Variants in RGS9 observed in about 807,000 individuals in gnomAD.
The protein encoded by RGS9 is regulator of G-protein signalling 9.
RGS9 carries 78 observed loss-of-function variants against 102.0 expected under a neutral mutation model. That is an observed-to-expected ratio of 0.76 (90% CI 0.64 to 0.92). The LOEUF is 0.92. Among genes scored for constraint, RGS9 ranks in the 40% least tolerant of loss-of-function variants. RGS9 has a pLI of 0.00. For synonymous variants in RGS9, 353 were observed against 318.6 expected (o/e 1.11, Z -1.15); for missense variants, 833 against 866.1 (o/e 0.96, Z 0.48).
chr17:65,216,613 G>T (rs1913532723), intron 17 of RGS9, among the ~76,000 whole-genome samples: 2 of 152,134 alleles, frequency 1.3e-5, no homozygotes, highest in Admixed American at 1.3e-4. Context: ...CTTCAGCCTG[G>T]GCAACGATTT....
chr17:65,183,515 T>C (rs894529211), intron 9 of RGS9, among the ~76,000 whole-genome samples: 7 of 152,188 alleles, frequency 4.6e-5, no homozygotes, highest in Non-Finnish European at 1.0e-4. Flanking sequence ...CAGGCTGATC[T>C]TGAACTCCTG....
At chr17:65,200,180 C>G (rs148828153) in intron 13 of RGS9, among the ~76,000 whole-genome samples, 1 of 152,158 alleles carries the variant, frequency 6.6e-6, no homozygotes, top group African/African-American at 2.4e-5. Context: ...TAGAGGCGCC[C>G]GCCACCACGG....
chr17:65,162,960 C>T, intron 6 of RGS9, 53 bp from the exon 7 acceptor site: 1 of 986,472 alleles, frequency 1.0e-6, no homozygotes, highest in South Asian at 1.3e-5. Flanking sequence ...TGCCCTGCGG[C>T]ACATGGCATA....
rs370495818 is a variant in RGS9 at position 65,180,938 on chromosome 17, A to G, written c.654+3135A>G. ...TTCCTGCGTTAGTTCGCTTAAGACA[A>G]TGATCTCTAGCTCCATCCATGTTGC... is the stretch of plus-strand genomic sequence containing the variant. On this transcript the variant is annotated intron_variant, in intron 9 of 18. Transcript: ENST00000262406. Among the ~76,000 whole-genome samples, 33 of 152,196 alleles carry G rather than the reference A, an allele frequency of 2.2e-4. 1 individual carries two copies. In the East Asian group the frequency reaches 4.0e-3, roughly 19 times the overall value.
intron 10 of RGS9, 128 bp downstream of exon 10, chr17:65,189,443 A>G: frequency 1.3e-6 from 1 of 771,892 alleles, no homozygotes; most frequent in South Asian, 1.5e-5. Flanking sequence ...AATTATTTCC[A>G]AATTCACGGA....
chr17:65,181,727 C>T (rs1257482552), intron 9 of RGS9, among the ~76,000 whole-genome samples: 1 of 152,252 alleles, frequency 6.6e-6, no homozygotes, highest in Non-Finnish European at 1.5e-5. Flanking sequence ...AGCCCCAGCT[C>T]TGCCACTTCC....
At chr17:65,154,911 G>A (rs1598565275) in intron 2 of RGS9, among the ~76,000 whole-genome samples, 1 of 152,076 alleles carries the variant, frequency 6.6e-6, no homozygotes, top group Non-Finnish European at 1.5e-5. Context: ...TTCACTCAAG[G>A]TGCCCTAGTC....
intron 17 of RGS9, among the ~76,000 whole-genome samples, chr17:65,223,612 G>C (rs1905462295): frequency 6.6e-6 from 1 of 152,248 alleles, no homozygotes; most frequent in African/African-American, 2.4e-5. Flanking sequence ...GCAGTGCCCA[G>C]ATCCCGGGGT....
chr17:65,158,517 G>C (rs1910861230), intron 3 of RGS9, 172 bp downstream of exon 3: 6 of 710,328 alleles, frequency 8.4e-6, no homozygotes, highest in African/African-American at 1.8e-5. Flanking sequence ...GATAATTTGG[G>C]GACGAAAGAG....
At position 65,189,218 on chromosome 17, in the gene RGS9, C is replaced by T. The variant is rs948969015; in HGVS notation, c.655-68C>T. ...CTCATGGGGAAGGATTTTTATTTTTCAAATGGGTGTTTGAACTGTAATGAT... is the reference window on the plus strand; with the variant it reads ...CTCATGGGGAAGGATTTTTATTTTTTAAATGGGTGTTTGAACTGTAATGAT... On this transcript the variant is annotated intron_variant, in intron 9 of 18. Transcript: ENST00000262406. The T allele has an allele frequency of 3.3e-5, 44 of 1,348,140 alleles. 1 individual carries two copies. In the South Asian group the frequency reaches 5.2e-4, roughly 16 times the overall value. 83.5% of individuals were successfully genotyped at this position (1,348,140 alleles called of 1,614,324 possible).
Position 65,137,488 on chromosome 17 carries a change from TCTC to T in RGS9, c.-49_-47del, listed in dbSNP as rs1567853984. The T allele has an allele frequency of 5.1e-6, 8 of 1,581,754 alleles. No homozygotes were observed. The highest frequency in any genetic ancestry group is 2.7e-5 in the African/African-American group (2 of 74,354). On this transcript the variant is annotated 5_prime_UTR_variant, in exon 1 of 19. Transcript: ENST00000262406. The stretch of plus-strand genomic sequence containing the variant: ...GGCTGCCTTTCGAACTTGGGGGGCT[TCTC>T]CTCTTGTCTCCCACTGGTGCTCTGG...
In RGS9 at chr17:65,202,080, A is replaced by T; in HGVS notation, c.1064A>T (p.Lys355Met). The T allele has an allele frequency of 6.2e-7, 1 of 1,608,600 alleles. No homozygotes were observed. Among genetic ancestry groups the T allele is most frequent in the Non-Finnish European group, 8.5e-7 (1 of 1,175,328 alleles). ...KVKEKAEEIY[K>M]LFLAPGARRW... The stretch of plus-strand genomic sequence containing the variant: ...AAGGAGAAAGCAGAGGAGATTTACA[A>T]GTGAGCATCAGCCAGGGTGCTGGAA... The change falls in exon 14 of 19, where the codon AAG becomes ATG. Residue 355 changes from lysine to methionine, a missense_variant and splice_region_variant. Lys to Met is a moderately conservative substitution (Grantham distance 95). Around this residue, in one of 3 missense-constraint regions of RGS9, gnomAD observed 185 missense variants for 248.7 expected, o/e 0.74. Coordinates refer to ENST00000262406, the MANE Select transcript of RGS9 (RefSeq NM_003835.4).
At chr17:65,156,060 G>C (rs1311971904) in intron 2 of RGS9, among the ~76,000 whole-genome samples, 1 of 152,046 alleles carries the variant, frequency 6.6e-6, no homozygotes, top group Non-Finnish European at 1.5e-5. Context: ...GTCTTTCTCT[G>C]TTGCTCAGGC....
chr17:65,186,961 A>G (rs1912147599), intron 9 of RGS9, among the ~76,000 whole-genome samples: 1 of 152,176 alleles, frequency 6.6e-6, no homozygotes, highest in Non-Finnish European at 1.5e-5. Context: ...ATTATAAAGT[A>G]TTAGATTTGA....
rs77273177 is a variant in RGS9, at chr17:65,195,565, C to G, written c.861-1561C>G. Among the ~76,000 whole-genome samples the G allele has an allele frequency of 2.4e-4, 37 of 152,278 alleles. No individual in the cohort carries two copies. The East Asian group carries it at 5.6e-3, about 23-fold the overall frequency. ...CGTTTTTAGTCTTATATCCCTCACTCCCTTTTCACCCCTTTCCCCTGAGTC... is the reference window on the plus strand; with the variant it reads ...CGTTTTTAGTCTTATATCCCTCACTGCCTTTTCACCCCTTTCCCCTGAGTC... On this transcript the variant is annotated intron_variant, in intron 12 of 18. Coordinates refer to ENST00000262406, the MANE Select transcript of RGS9 (RefSeq NM_003835.4).
intron 9 of RGS9, among the ~76,000 whole-genome samples, chr17:65,178,642 C>T (rs1036296376): frequency 3.3e-5 from 5 of 152,002 alleles, no homozygotes; most frequent in African/African-American, 1.2e-4. Flanking sequence ...TAGCTAGGAC[C>T]ACAGGCACAT....
intron 7 of RGS9, among the ~76,000 whole-genome samples, chr17:65,163,335 G>A (rs1015245096): frequency 2.6e-5 from 4 of 151,174 alleles, no homozygotes; most frequent in African/African-American, 9.7e-5. Flanking sequence ...CACCATGCCT[G>A]GCTAATTTTT....
intron 17 of RGS9, among the ~76,000 whole-genome samples, chr17:65,216,583 G>A (rs1265002557): frequency 6.6e-6 from 1 of 152,210 alleles, no homozygotes; most frequent in East Asian, 1.9e-4. Flanking sequence ...GTTGCAGCGA[G>A]CTGAGATCGC....
In RGS9 at chr17:65,225,230, A is replaced by G. The variant is rs1394780238; in HGVS notation, c.1636A>G (p.Met546Val). Residue 546 changes from methionine to valine, a missense_variant, in exon 18 of 19, where the codon ATG becomes GTG. This residue lies in a region of RGS9 where 320 missense variants were observed against 276.8 expected (regional missense o/e 1.16). Transcript: ENST00000262406. ...LEQKGECSGS[M>V]APRGPSVTES... ...GCAGAAAGGGGAGTGCAGCGGGTCC[A>G]TGGCCCCCCGTGGGCCCTCTGTCAC... 2 of 1,611,654 alleles carry G rather than the reference A, an allele frequency of 1.2e-6. No homozygotes were observed. Among genetic ancestry groups the G allele is most frequent in the African/African-American group, 1.3e-5 (1 of 75,018 alleles).
Sources: allele counts gnomAD v4.1 joint callset (sites outside exome capture counted in the v4.1 genomes callset), GRCh38; gene constraint gnomAD v4.1.1; regional missense constraint gnomAD v4.1.1; transcripts MANE v1.5; gene names NCBI Gene and HGNC (gene_info 2026-07-23, HGNC 2026-07-21).